KIAA1217: variants seen among roughly 807,000 people sequenced by gnomAD.
The protein encoded by KIAA1217 is KIAA1217.
A neutral mutation model predicts 163.9 loss-of-function variants in KIAA1217; 88 were observed. That is an observed-to-expected ratio of 0.54 (90% CI 0.45 to 0.64). The LOEUF (loss-of-function observed/expected upper bound fraction) is 0.64. Ranked by LOEUF, KIAA1217 falls within the 30% of genes least tolerant of loss-of-function variation. KIAA1217 has a pLI of 0.00. For missense variants in KIAA1217, 2,372 were observed against 2,475.0 expected (o/e 0.96, Z 0.88); for synonymous variants, 903 against 923.1 (o/e 0.98, Z 0.39).
chr10:23,967,467 G>T (rs1845110106), intron 1 of KIAA1217, among the ~76,000 whole-genome samples: 3 of 152,082 alleles, frequency 2.0e-5, no homozygotes, highest in African/African-American at 7.2e-5. Context: ...AGAAGTGCAA[G>T]AAGTCCACAG....
intron 1 of KIAA1217, among the ~76,000 whole-genome samples, chr10:23,792,244 G>A (rs570271527): frequency 6.6e-6 from 1 of 152,272 alleles, no homozygotes; most frequent in South Asian, 2.1e-4. Flanking sequence ...GAATGTTCAC[G>A]TGTAAATCAT....
chr10:24,195,832 G>GA (rs1178956322), intron 2 of KIAA1217, among the ~76,000 whole-genome samples: 19 of 152,152 alleles, frequency 1.2e-4, no homozygotes, highest in Non-Finnish European at 2.5e-4. Context: ...TTATGTCATT[G>GA]AAAAAATATG....
At chr10:23,696,439 C>T (rs927911663) in intron 1 of KIAA1217, among the ~76,000 whole-genome samples, 5 of 152,156 alleles carry the variant, frequency 3.3e-5, no homozygotes, top group African/African-American at 1.2e-4. Context: ...GTCTACACTT[C>T]GGAGAGAGAG....
intron 1 of KIAA1217, among the ~76,000 whole-genome samples, chr10:23,973,639 G>A (rs1304143829): frequency 6.6e-6 from 1 of 152,186 alleles, no homozygotes; most frequent in Admixed American, 6.5e-5. Context: ...AAATTCTTAT[G>A]TCATTGAATA....
At chr10:24,042,673 G>C (rs1848699196) in intron 2 of KIAA1217, among the ~76,000 whole-genome samples, 1 of 152,144 alleles carries the variant, frequency 6.6e-6, no homozygotes, top group Non-Finnish European at 1.5e-5. Flanking sequence ...ATAATTATTA[G>C]GAAGATGGAG....
chr10:24,480,828 G>T (rs1442529557), intron 6 of KIAA1217, among the ~76,000 whole-genome samples: 1 of 152,194 alleles, frequency 6.6e-6, no homozygotes, highest in African/African-American at 2.4e-5. Context: ...AGAATAGAAT[G>T]AGCTGGGCTT....
At chr10:23,740,836 G>A (rs1284251819) in intron 1 of KIAA1217, among the ~76,000 whole-genome samples, 3 of 152,114 alleles carry the variant, frequency 2.0e-5, no homozygotes, top group African/African-American at 7.2e-5. Context: ...GCTGAAGCAG[G>A]AGAATTGCTT....
intron 2 of KIAA1217, among the ~76,000 whole-genome samples, chr10:24,116,087 T>C (rs1338624225): frequency 1.3e-5 from 2 of 152,132 alleles, no homozygotes; most frequent in Non-Finnish European, 2.9e-5. Flanking sequence ...TTTCTCTGAT[T>C]GTGTCATACT....
At chr10:23,740,346 T>C (rs1295771443) in intron 1 of KIAA1217, among the ~76,000 whole-genome samples, 1 of 152,138 alleles carries the variant, frequency 6.6e-6, no homozygotes, top group Non-Finnish European at 1.5e-5. Context: ...GTAGGTTATG[T>C]CATGTAAGCA....
At chr10:23,983,117 C>A (rs1845839041) in intron 1 of KIAA1217, among the ~76,000 whole-genome samples, 1 of 151,872 alleles carries the variant, frequency 6.6e-6, no homozygotes, top group South Asian at 2.1e-4. Context: ...CAGAAACAGG[C>A]AATCCTCTTA....
chr10:23,944,922 G>A (rs1419119267), intron 1 of KIAA1217, among the ~76,000 whole-genome samples: 1 of 152,032 alleles, frequency 6.6e-6, no homozygotes, highest in Non-Finnish European at 1.5e-5. Flanking sequence ...AGCCAGACGT[G>A]GTGGTGTGTG....
intron 8 of KIAA1217, among the ~76,000 whole-genome samples, chr10:24,500,936 A>G (rs1286020508): frequency 6.6e-6 from 1 of 152,110 alleles, no homozygotes; most frequent in Non-Finnish European, 1.5e-5. Flanking sequence ...AAAATAGTAA[A>G]CAAACAAACA....
At chr10:24,192,558 C>T (rs185379602) in intron 2 of KIAA1217, among the ~76,000 whole-genome samples, 275 of 152,336 alleles carry the variant, frequency 1.8e-3, no homozygotes, top group African/African-American at 6.4e-3. Context: ...ACAGCCCAGG[C>T]TTCTAAGAGA....
chr10:23,834,682 A>G (rs1020761894), intron 1 of KIAA1217, among the ~76,000 whole-genome samples: 1 of 152,192 alleles, frequency 6.6e-6, no homozygotes, highest in Admixed American at 6.6e-5. Context: ...AGGAACAGGT[A>G]GAAGCAATGG....
At chr10:24,336,763 A>G (rs2046401228) in intron 2 of KIAA1217, among the ~76,000 whole-genome samples, 1 of 152,232 alleles carries the variant, frequency 6.6e-6, no homozygotes, top group African/African-American at 2.4e-5. Context: ...TTAAAAAGTT[A>G]ATACTCAAAT....
chr10:24,015,209 A>C (rs183725682), intron 2 of KIAA1217, among the ~76,000 whole-genome samples: 94 of 152,254 alleles, frequency 6.2e-4, no homozygotes, highest in African/African-American at 2.0e-3. Flanking sequence ...CTGTACAATG[A>C]GATTGCTTAG....
chr10:24,078,345 G>T (rs1404225434), intron 2 of KIAA1217, among the ~76,000 whole-genome samples: 1 of 152,150 alleles, frequency 6.6e-6, no homozygotes, highest in Non-Finnish European at 1.5e-5. Flanking sequence ...ACCTTGGGAA[G>T]TCAGGTACCT....
At chr10:23,888,493 G>T (rs1271958553) in intron 1 of KIAA1217, among the ~76,000 whole-genome samples, 1 of 151,844 alleles carries the variant, frequency 6.6e-6, no homozygotes, top group Non-Finnish European at 1.5e-5. Context: ...TCAATATTTT[G>T]TGTGTTGTTT....
chr10:24,081,625 A>C (rs1187304492), intron 2 of KIAA1217, among the ~76,000 whole-genome samples: 1 of 152,086 alleles, frequency 6.6e-6, no homozygotes, highest in Non-Finnish European at 1.5e-5. Flanking sequence ...AGAGGTGTCC[A>C]ATCTTTTGGC....
Sources: allele counts gnomAD v4.1 joint callset (sites outside exome capture counted in the v4.1 genomes callset), GRCh38; gene constraint gnomAD v4.1.1; transcripts MANE v1.5; gene names NCBI Gene and HGNC (gene_info 2026-07-23, HGNC 2026-07-21).